DPYSL4: variants seen among roughly 807,000 people sequenced by gnomAD.
DPYSL4 encodes the protein dihydropyrimidinase like 4.
Under a neutral mutation model 63.4 loss-of-function variants are expected in DPYSL4, and 43 were observed. The ratio of observed to expected loss-of-function variants is 0.68; its 90% CI spans 0.53 to 0.88. The LOEUF is 0.88. DPYSL4 is among the 40% of genes least tolerant of loss of function. The probability of loss-of-function intolerance (pLI) is 0.00; values close to 1 mark genes in which losing one functional copy is unlikely to be tolerated. For missense variants in DPYSL4, 733 were observed against 819.5 expected, an observed-to-expected ratio of 0.89 and a Z score of 1.29; for synonymous variants, 353 against 331.7, an observed-to-expected ratio of 1.06 and a Z score of -0.70.
chr10:132,190,954 T>G, intron 2 of DPYSL4, 119 bp downstream of exon 2: 1 of 977,734 alleles, frequency 1.0e-6, no homozygotes, highest in South Asian at 1.6e-5. Context: ...TCACGTGGTA[T>G]CCAGGCAGGT....
chr10:132,196,154 CCA>C (rs2061940959), intron 4 of DPYSL4, among the ~76,000 whole-genome samples: 1 of 152,198 alleles, frequency 6.6e-6, no homozygotes, highest in African/African-American at 2.4e-5. Context: ...GGAGGAGATG[CCA>C]TGGGTTGGGT....
intron 7 of DPYSL4, 143 bp downstream of exon 7, chr10:132,198,626 C>G: frequency 1.9e-6 from 2 of 1,061,110 alleles, no homozygotes; most frequent in Admixed American, 2.6e-5. Context: ...GAATCCTCCC[C>G]GTGCCAGGCA....
intron 1 of DPYSL4, 58 bp downstream of exon 1, chr10:132,187,160 G>A: frequency 7.5e-7 from 1 of 1,338,648 alleles, no homozygotes; most frequent in South Asian, 1.3e-5. Flanking sequence ...GTGGGGCCTG[G>A]ACGCCGGGCG....
chr10:132,189,237 G>A (rs1024865511), intron 1 of DPYSL4, among the ~76,000 whole-genome samples: 29 of 152,222 alleles, frequency 1.9e-4, no homozygotes, highest in Admixed American at 5.9e-4. Flanking sequence ...GTGCTGAGGC[G>A]CACGCCAGAC....
chr10:132,194,550 C>T (rs1230511917), intron 3 of DPYSL4, among the ~76,000 whole-genome samples: 1 of 152,210 alleles, frequency 6.6e-6, no homozygotes, highest in Non-Finnish European at 1.5e-5. Flanking sequence ...CTGTGCTCCT[C>T]CAAGTGCGAT....
chr10:132,187,440 C>T (rs1333715053), intron 1 of DPYSL4, among the ~76,000 whole-genome samples: 2 of 151,828 alleles, frequency 1.3e-5, no homozygotes, highest in East Asian at 3.9e-4. Context: ...GAACCCGGGG[C>T]CGGGCGGCCT....
chr10:132,193,764 G>A (rs1230060526), intron 3 of DPYSL4, among the ~76,000 whole-genome samples: 1 of 152,266 alleles, frequency 6.6e-6, no homozygotes, highest in Non-Finnish European at 1.5e-5. Context: ...TCTGAGGCAT[G>A]TGTGAGTTAA....
chr10:132,205,005 CCTT>C lies in DPYSL4; in HGVS notation c.*76_*78del. The C allele has an allele frequency of 8.2e-7, 1 of 1,214,410 alleles. No homozygotes were observed. Among genetic ancestry groups the C allele is most frequent in the Non-Finnish European group, 1.1e-6 (1 of 870,620 alleles). 75.2% of individuals were successfully genotyped at this position (1,214,410 alleles called of 1,614,324 possible). A position where few individuals can be genotyped will look rare whatever the true frequency, so the allele number is the denominator to read the frequency against. ...GGGGCCCCAGGGCACTCGCCCCCCT[CCTT>C]AGCATTTTCTTTTGTAGAAGTTTCT... is the stretch of plus-strand genomic sequence containing the variant. On this transcript the variant is annotated 3_prime_UTR_variant, in exon 14 of 14. Transcript: ENST00000338492.
Position 132,203,940 on chromosome 10 carries a change from TG to T in DPYSL4, c.1627+17del. 6.3e-7 allele frequency: 1 copy of T among 1,587,400 alleles called. No individual in the cohort carries two copies. Among genetic ancestry groups the T allele is most frequent in the Non-Finnish European group, 8.6e-7 (1 of 1,160,648 alleles). On this transcript the variant is annotated intron_variant, in intron 13 of 13. Coordinates refer to ENST00000338492, the MANE Select transcript of DPYSL4 (RefSeq NM_006426.3). The stretch of plus-strand genomic sequence containing the variant: ...TTCAGCCTATCTGGTGAGTTGGGCC[TG>T]GGGCACCAGTGGGGGTGAGGGGCTC...
intron 6 of DPYSL4, 131 bp downstream of exon 6, chr10:132,197,232 C>G: frequency 1.2e-6 from 1 of 808,614 alleles, no homozygotes; most frequent in Non-Finnish European, 1.9e-6. Flanking sequence ...TCCCACAAAA[C>G]CTTGAGGGAG....
chr10:132,196,757 G>A, intron 4 of DPYSL4, 104 bp from the exon 5 acceptor site: 1 of 1,308,306 alleles, frequency 7.6e-7, no homozygotes, highest in Non-Finnish European at 1.1e-6. Flanking sequence ...CACTGCGGGG[G>A]AGGGGCCCAA....
At chr10:132,190,331 T>A (rs1468237323) in intron 1 of DPYSL4, among the ~76,000 whole-genome samples, 1 of 152,238 alleles carries the variant, frequency 6.6e-6, no homozygotes, top group East Asian at 1.9e-4. Context: ...GCTCCCAGCC[T>A]CCTCTGCGTG....
chr10:132,195,662 C>T (rs894451894), intron 4 of DPYSL4, among the ~76,000 whole-genome samples: 4 of 152,194 alleles, frequency 2.6e-5, no homozygotes, highest in Admixed American at 1.3e-4. Flanking sequence ...CAAGGCCATT[C>T]CTCTGGGTTC....
chr10:132,198,463 G>T lies in DPYSL4; in HGVS notation c.670G>T (p.Val224Leu). Residue 224 changes from valine (V) to leucine (L), a missense_variant, in exon 7 of 14, where the codon GTG becomes TTG. Coordinates refer to ENST00000338492, the MANE Select transcript of DPYSL4 (RefSeq NM_006426.3). ...ELGITGPEGHVLSHPEEVEAE... is the reference protein window; with the variant it reads ...ELGITGPEGHLLSHPEEVEAE... The stretch of plus-strand genomic sequence containing the variant: ...CGGCATCACTGGCCCCGAGGGCCAC[G>T]TGCTCAGCCACCCCGAGGAGGTAAG... 1 of 1,605,418 alleles carries T rather than the reference G, an allele frequency of 6.2e-7. No homozygotes were observed. Among genetic ancestry groups the T allele is most frequent in the Non-Finnish European group, 8.5e-7 (1 of 1,177,986 alleles).
Position 132,198,756 on chromosome 10 carries a change from G to T in DPYSL4, c.691-95G>T, listed in dbSNP as rs978135543. On this transcript the variant is annotated intron_variant, in intron 7 of 13. Coordinates refer to ENST00000338492, the MANE Select transcript of DPYSL4 (RefSeq NM_006426.3). Reference sequence around the variant, plus strand: ...TCCTACTAGGCTGCCCTGAGCCTGGGATCCCATGGGTGACACCTGGGCATC... The same window carrying T: ...TCCTACTAGGCTGCCCTGAGCCTGGTATCCCATGGGTGACACCTGGGCATC... The T allele has an allele frequency of 8.4e-6, 13 of 1,542,708 alleles. No individual in the cohort carries two copies. The African/African-American group carries it at 1.5e-4, about 18-fold the overall frequency.
Position 132,187,324 on chromosome 10 carries a change from AGGCCCGGCCCGGCCC to A in DPYSL4, c.39+228_39+242del, listed in dbSNP as rs371014123. ...GACCCCCTTAAGGAGCGGGGCGCCC[AGGCCCGGCCCGGCCC>A]GGCCCTGCCCGGCCCTGCCGGGCCC... On this transcript the variant is annotated intron_variant, in intron 1 of 13. Transcript: ENST00000338492. 4.7e-5 allele frequency among the ~76,000 whole-genome samples: 7 copies of A among 149,414 alleles called. No homozygotes were observed. In the East Asian group the frequency reaches 6.1e-4, roughly 13 times the overall value.
chr10:132,197,136 A>G, intron 6 of DPYSL4, 35 bp downstream of exon 6: 1 of 1,454,540 alleles, frequency 6.9e-7, no homozygotes, highest in Admixed American at 2.5e-5. Context: ...GGGCAGGCAC[A>G]GGGGCTGCCG....
Position 132,198,451 on chromosome 10 carries a change from C to T in DPYSL4, c.658C>T (p.Pro220Ser). 3.7e-6 allele frequency: 6 copies of T among 1,607,192 alleles called. No homozygotes were observed. Among genetic ancestry groups the T allele is most frequent in the Non-Finnish European group, 5.1e-6 (6 of 1,178,484 alleles). Reference protein sequence around the residue: ...KRLLELGITGPEGHVLSHPEE... With the variant: ...KRLLELGITGSEGHVLSHPEE... The stretch of plus-strand genomic sequence containing the variant: ...GTTGCTGGAGCTCGGCATCACTGGC[C>T]CCGAGGGCCACGTGCTCAGCCACCC... Residue 220 changes from proline to serine, a missense_variant, in exon 7 of 14, where the codon CCC (proline) becomes TCC (serine). Pro to Ser is a moderately conservative substitution (Grantham distance 74). Coordinates refer to ENST00000338492, the MANE Select transcript of DPYSL4 (RefSeq NM_006426.3).
chr10:132,187,947 G>C (rs2061827340), intron 1 of DPYSL4, among the ~76,000 whole-genome samples: 1 of 152,184 alleles, frequency 6.6e-6, no homozygotes, highest in Non-Finnish European at 1.5e-5. Context: ...TCTGGACTTG[G>C]CCTCGGCGGG....
Sources: gnomAD v4.1 joint callset for allele counts (sites outside exome capture counted in the v4.1 genomes callset) on GRCh38, gnomAD v4.1.1 for gene constraint, MANE v1.5 for transcripts, NCBI Gene and HGNC (gene_info 2026-07-23, HGNC 2026-07-21) for gene names.